Variants in ARHGEF7 observed in about 807,000 individuals in gnomAD.
ARHGEF7 encodes the protein Rho guanine nucleotide exchange factor 7, also known as PAK-interacting exchange factor beta.
In ARHGEF7, 33 loss-of-function variants were observed where a neutral mutation model predicts 109.8. That is an observed-to-expected ratio of 0.30 (90% CI 0.23 to 0.40). The LOEUF is 0.40. Ranked by LOEUF, ARHGEF7 falls within the 10% of genes least tolerant of loss-of-function variation. ARHGEF7 has a pLI of 1.00. For missense variants in ARHGEF7, 938 were observed against 1,098.5 expected, an observed-to-expected ratio of 0.85 and a Z score of 2.07; for synonymous variants, 458 against 424.6, an observed-to-expected ratio of 1.08 and a Z score of -0.97.
chr13:111,213,795 C>G (rs908718029), intron 4 of ARHGEF7, among the ~76,000 whole-genome samples: 14 of 152,166 alleles, frequency 9.2e-5, no homozygotes, highest in African/African-American at 3.4e-4. Context: ...TGTAACACTA[C>G]TGACAGTGAA....
chr13:111,123,279 G>A (rs1181828540), intron 1 of ARHGEF7, among the ~76,000 whole-genome samples: 1 of 152,204 alleles, frequency 6.6e-6, no homozygotes, highest in Admixed American at 6.5e-5. Flanking sequence ...GGTGGGGTGT[G>A]ATCACATGGA....
intron 2 of ARHGEF7, among the ~76,000 whole-genome samples, chr13:111,192,848 A>C (rs74711791): frequency 6.6e-6 from 1 of 152,160 alleles, no homozygotes; most frequent in Non-Finnish European, 1.5e-5. Flanking sequence ...CTGTCTTGCG[A>C]GGGAAAGCCT....
chr13:111,159,196 T>A, intron 2 of ARHGEF7: 3 of 651,428 alleles, frequency 4.6e-6, no homozygotes, highest in Non-Finnish European at 8.4e-6. Flanking sequence ...CATTCATTGT[T>A]GTTGCAAATA....
At position 111,300,754 on chromosome 13, in the gene ARHGEF7, G is replaced by A. The variant is rs958551589; in HGVS notation, c.2318G>A (p.Arg773His). 13 of 1,604,202 alleles carry A rather than the reference G, an allele frequency of 8.1e-6. No individual in the cohort carries two copies. The East Asian group carries it at 1.6e-4, about 19-fold the overall frequency. Residue 773 changes from arginine (R) to histidine (H), a missense_variant, in exon 20 of 22, where the codon CGC becomes CAC. By Grantham distance (29) the Arg-to-His change is conservative. Transcript: ENST00000646102. Reference protein sequence around the residue: ...SYRMGSTSRSRKESAPQVLLP... With the variant: ...SYRMGSTSRSHKESAPQVLLP... ...TATTTTTTCATGATCCTAGGTTCAC[G>A]CAAAGAATCTGCTCCACAAGTTTTG... is the stretch of plus-strand genomic sequence containing the variant.
chr13:111,263,840 G>T lies in ARHGEF7; in HGVS notation c.951-3708G>T, dbSNP rs148177317. Among the ~76,000 whole-genome samples the T allele has an allele frequency of 1.1e-3, 169 of 152,334 alleles. 4 individuals carry two copies. The East Asian group carries it at 0.027, about 24-fold the overall frequency. On this transcript the variant is annotated intron_variant, in intron 8 of 21. Coordinates refer to ENST00000646102, the MANE Select transcript of ARHGEF7 (RefSeq NM_001354046.2). ...CTCCTCTGTAGGCTGGCAGCAGTTT[G>T]TAGCTCCTGTCACTGAGACTACATA...
At position 111,153,997 on chromosome 13, in the gene ARHGEF7, C is replaced by T. The variant is rs2076084305; in HGVS notation, c.252+6C>T. Reference sequence around the variant, plus strand: ...GGGCTTCCCTGCGGCTGGAGGTGAGCGCGGGCGGCCACGGGCCGAGGGAGG... The same window carrying T: ...GGGCTTCCCTGCGGCTGGAGGTGAGTGCGGGCGGCCACGGGCCGAGGGAGG... On this transcript the variant is annotated splice_donor_region_variant and intron_variant, in intron 2 of 21. Transcript: ENST00000646102. The T allele has an allele frequency of 6.3e-7, 1 of 1,596,556 alleles. No homozygotes were observed. Among genetic ancestry groups the T allele is most frequent in the Non-Finnish European group, 8.5e-7 (1 of 1,174,764 alleles).
intron 2 of ARHGEF7, among the ~76,000 whole-genome samples, chr13:111,155,729 C>CA (rs111603814): frequency 3.5e-4 from 53 of 152,278 alleles, no homozygotes; most frequent in African/African-American, 1.2e-3. Context: ...ACTCAATTGG[C>CA]ACATTAAGAT....
At position 111,268,593 on chromosome 13, in the gene ARHGEF7, C is replaced by A. The variant is rs1412496767; in HGVS notation, c.1073+923C>A. On this transcript the variant is annotated intron_variant, in intron 9 of 21. Coordinates refer to ENST00000646102, the MANE Select transcript of ARHGEF7 (RefSeq NM_001354046.2). ...TGCCTCTTCAGAAGCACATTTGGGG[C>A]TCAGGTGTGGCGCTGCGTGGGTGTC... Among the ~76,000 whole-genome samples, 6 of 152,314 alleles carry A rather than the reference C, an allele frequency of 3.9e-5. No homozygotes were observed. The East Asian group carries it at 1.2e-3, about 29-fold the overall frequency.
intron 16 of ARHGEF7, among the ~76,000 whole-genome samples, chr13:111,284,575 TG>T (rs2092934584): frequency 6.6e-6 from 1 of 152,172 alleles, no homozygotes; most frequent in Non-Finnish European, 1.5e-5. Flanking sequence ...ATAAAACTGT[TG>T]GGCAAAGAAG....
At chr13:111,174,287 T>C (rs2077896379) in intron 2 of ARHGEF7, among the ~76,000 whole-genome samples, 1 of 152,272 alleles carries the variant, frequency 6.6e-6, no homozygotes, top group African/African-American at 2.4e-5. Context: ...TTTTTACATT[T>C]AACCACACTG....
chr13:111,298,960 T>C (rs1000648241), intron 19 of ARHGEF7, among the ~76,000 whole-genome samples: 1 of 152,232 alleles, frequency 6.6e-6, no homozygotes, highest in Non-Finnish European at 1.5e-5. Flanking sequence ...TCATTTTCCA[T>C]TATCGGTGTG....
At chr13:111,186,432 G>C (rs1301659306) in intron 2 of ARHGEF7, among the ~76,000 whole-genome samples, 1 of 152,202 alleles carries the variant, frequency 6.6e-6, no homozygotes, top group African/African-American at 2.4e-5. Flanking sequence ...GTAATTGATA[G>C]CATCCGTCAT....
intron 8 of ARHGEF7, among the ~76,000 whole-genome samples, chr13:111,261,898 T>A (rs190401629): frequency 0.017 from 2,551 of 152,266 alleles, 40 homozygotes; most frequent in Middle Eastern, 0.075. Context: ...TAAGAAAATT[T>A]AAAAATTTCT....
Position 111,115,431 on chromosome 13 carries a change from G to A in ARHGEF7, c.-96G>A, listed in dbSNP as rs1484401095. 3.2e-6 allele frequency: 3 copies of A among 934,832 alleles called. No homozygotes were observed. The highest frequency in any genetic ancestry group is 1.8e-5 in the African/African-American group (1 of 55,540). 57.9% of individuals were successfully genotyped at this position (934,832 alleles called of 1,614,324 possible). Reference sequence around the variant, plus strand: ...ATCGCCGGCGCCGGCCGCTCGATGGGCGAGGCGGCGGCGGCGGCGGCGGGG... The same window carrying A: ...ATCGCCGGCGCCGGCCGCTCGATGGACGAGGCGGCGGCGGCGGCGGCGGGG... On this transcript the variant is annotated 5_prime_UTR_variant, in exon 1 of 22. Transcript: ENST00000646102.
At position 111,303,248 on chromosome 13, in the gene ARHGEF7, G is replaced by C; in HGVS notation, c.*135G>C. The C allele has an allele frequency of 1.2e-6, 1 of 828,410 alleles. No homozygotes were observed. The highest frequency in any genetic ancestry group is 1.8e-6 in the Non-Finnish European group (1 of 554,112). The allele number at this position is 828,410 out of a possible 1,614,324, so 51.3% of individuals were successfully genotyped here. On this transcript the variant is annotated 3_prime_UTR_variant, in exon 22 of 22. Transcript: ENST00000646102. ...CACCTTGCTCTCTGTATATAGAAAA[G>C]CTGGAGCTTATTCTGCGAATGGAGA...
chr13:111,272,919 G>A lies in ARHGEF7; in HGVS notation c.1074-895G>A, dbSNP rs1261244689. ...CTGGACCCCCCACAGAAGCCTGCCC[G>A]TGTCCTCTGCCACAGCCATGGGAAC... On this transcript the variant is annotated intron_variant, in intron 9 of 21. Coordinates refer to ENST00000646102, the MANE Select transcript of ARHGEF7 (RefSeq NM_001354046.2). The surrounding 1 kb of genome is among the most constrained non-coding windows in gnomAD (Gnocchi z 5.2). Among the ~76,000 whole-genome samples the A allele has an allele frequency of 3.3e-4, 50 of 152,238 alleles. 1 individual carries two copies. Among genetic ancestry groups the A allele is most frequent in the Admixed American group, 3.2e-3 (49 of 15,284 alleles).
At chr13:111,293,717 A>T (rs1017489037) in intron 19 of ARHGEF7, 1 of 985,234 alleles carries the variant, frequency 1.0e-6, no homozygotes, top group Non-Finnish European at 1.2e-6. Flanking sequence ...TGAGAATAAC[A>T]TTTTTTCCTT....
At chr13:111,283,399 G>T (rs763171965) in intron 16 of ARHGEF7, 36 bp downstream of exon 16, 6 of 1,533,248 alleles carry the variant, frequency 3.9e-6, no homozygotes, top group Non-Finnish European at 5.2e-6. Context: ...GCCAGATGAC[G>T]GTGAGCATGC....
chr13:111,286,358 C>T, intron 17 of ARHGEF7, 118 bp downstream of exon 17: 1 of 808,744 alleles, frequency 1.2e-6, no homozygotes, highest in Non-Finnish European at 2.1e-6. Flanking sequence ...AAAGTAAGGT[C>T]TGCCCCTTGA....
Sources: gnomAD v4.1 joint callset for allele counts (sites outside exome capture counted in the v4.1 genomes callset) on GRCh38, gnomAD v4.1.1 for gene constraint, Gnocchi (gnomAD v3.1) non-coding constraint, MANE v1.5 for transcripts, NCBI Gene and HGNC (gene_info 2026-07-23, HGNC 2026-07-21) for gene names.